PFKFB3: variants seen among roughly 807,000 people sequenced by gnomAD.
PFKFB3 encodes the protein 6-phosphofructo-2-kinase/fructose-2,6-biphosphatase 3.
PFKFB3 carries 33 observed loss-of-function variants against 68.0 expected under a neutral mutation model. That is an observed-to-expected ratio of 0.49 (90% CI 0.37 to 0.65). PFKFB3 has a LOEUF of 0.65. Among genes scored for constraint, PFKFB3 ranks in the 30% least tolerant of loss-of-function variants. PFKFB3 has a pLI of 0.00. For missense variants in PFKFB3, 586 were observed against 712.2 expected, an observed-to-expected ratio of 0.82 and a Z score of 2.02; for synonymous variants, 315 against 288.2, an observed-to-expected ratio of 1.09 and a Z score of -0.94.
chr10:6,231,736 C>T (rs527795380), intron 14 of PFKFB3: 1 of 267,588 alleles, frequency 3.7e-6, no homozygotes, highest in African/African-American at 2.3e-5. Context: ...CCAGTGGGCA[C>T]CCATCACTTC....
At chr10:6,282,893 G>T in the PFKFB3 span, among the ~76,000 whole-genome samples, 1 of 152,116 alleles carries the variant, frequency 6.6e-6, no homozygotes, top group African/African-American at 2.4e-5. Context: ...TACCAGGTAT[G>T]GGGTTTAATC....
the PFKFB3 span, among the ~76,000 whole-genome samples, chr10:6,290,726 A>G: frequency 6.7e-6 from 1 of 150,156 alleles, no homozygotes; most frequent in African/African-American, 2.5e-5. Context: ...CTGGTTTCGA[A>G]CTCCTGACCT....
chr10:6,173,877 G>A (rs1313558392), intron 1 of PFKFB3, among the ~76,000 whole-genome samples: 1 of 152,142 alleles, frequency 6.6e-6, no homozygotes, highest in Non-Finnish European at 1.5e-5. Context: ...GTCTTAGGAA[G>A]ATGAGTCCCT....
chr10:6,208,371 C>CTTTTTTTTTTTGTTTTTTTTTTTTTTT (rs1843933651), intron 1 of PFKFB3, among the ~76,000 whole-genome samples: 1 of 60,624 alleles, frequency 1.6e-5, no homozygotes, highest in Non-Finnish European at 2.9e-5. Flanking sequence ...GGTACCTGGC[C>CTTTTTTTTTTTGTTTTTTTTTTTTTTT]TTTTTTTTTT....
chr10:6,209,146 A>C (rs749449150), intron 1 of PFKFB3, among the ~76,000 whole-genome samples: 1 of 152,158 alleles, frequency 6.6e-6, no homozygotes, highest in East Asian at 1.9e-4. Context: ...CGTGCCTGGG[A>C]CTTGGTGACT....
intron 1 of PFKFB3, among the ~76,000 whole-genome samples, chr10:6,160,248 A>G (rs1055452422): frequency 5.3e-5 from 8 of 152,152 alleles, no homozygotes; most frequent in African/African-American, 7.2e-5. Flanking sequence ...TGAGATGTCA[A>G]TTGGCTGATG....
chr10:6,203,803 T>C (rs1375640583), intron 1 of PFKFB3, among the ~76,000 whole-genome samples: 1 of 152,230 alleles, frequency 6.6e-6, no homozygotes, highest in Non-Finnish European at 1.5e-5. Context: ...CTTCACTTAA[T>C]AACCTATTTC....
chr10:6,148,799 C>T (rs2131671409), intron 1 of PFKFB3, among the ~76,000 whole-genome samples: 1 of 152,224 alleles, frequency 6.6e-6, no homozygotes, highest in East Asian at 1.9e-4. Flanking sequence ...AATAGATGGG[C>T]CAGTGTGGTG....
At chr10:6,184,504 C>T (rs1564604813) in intron 1 of PFKFB3, among the ~76,000 whole-genome samples, 1 of 151,466 alleles carries the variant, frequency 6.6e-6, no homozygotes, top group Non-Finnish European at 1.5e-5. Flanking sequence ...GAGTCTCACT[C>T]TTGTCACCCA....
chr10:6,278,021 C>T, the PFKFB3 span, among the ~76,000 whole-genome samples: 2 of 151,286 alleles, frequency 1.3e-5, no homozygotes, highest in Non-Finnish European at 2.9e-5. Context: ...GAGTTCACAC[C>T]ATTCTCCTGC....
At position 6,229,544 on chromosome 10, in the gene PFKFB3, G is replaced by A. The variant is rs148130683; in HGVS notation, c.1515+3179G>A. ...CACCCCCTTGCAGCTGCTTCCCACAGCCAGGCTTTGCTTACCTAAGGTGGG... is the reference window on the plus strand; with the variant it reads ...CACCCCCTTGCAGCTGCTTCCCACAACCAGGCTTTGCTTACCTAAGGTGGG... On this transcript the variant is annotated intron_variant, in intron 14 of 14. Coordinates refer to ENST00000379775, the MANE Select transcript of PFKFB3 (RefSeq NM_004566.4). The surrounding 1 kb of genome is among the most constrained non-coding windows in gnomAD (Gnocchi z 4.3). 1.5e-3 allele frequency among the ~76,000 whole-genome samples: 235 copies of A among 152,252 alleles called. No individual in the cohort carries two copies. The highest frequency in any genetic ancestry group is 5.5e-3 in the African/African-American group (227 of 41,536).
chr10:6,310,848 G>A, the PFKFB3 span, among the ~76,000 whole-genome samples: 1 of 152,198 alleles, frequency 6.6e-6, no homozygotes. Context: ...AGAGATAAGT[G>A]ATAGAACTAT....
intron 1 of PFKFB3, among the ~76,000 whole-genome samples, chr10:6,183,485 G>A (rs1842775555): frequency 6.6e-6 from 1 of 151,980 alleles, no homozygotes; most frequent in African/African-American, 2.4e-5. Context: ...ACCATGGTAG[G>A]TGGCAGTGAA....
Position 6,215,078 on chromosome 10 carries a change from C to T in PFKFB3, c.203-143C>T, listed in dbSNP as rs527588739. The T allele has an allele frequency of 4.8e-4, 321 of 666,736 alleles. 1 individual carries two copies. Among genetic ancestry groups the T allele is most frequent in the Non-Finnish European group, 7.1e-4 (266 of 376,214 alleles). The allele number at this position is 666,736 out of a possible 1,614,324, so 41.3% of individuals were successfully genotyped here. On this transcript the variant is annotated intron_variant, in intron 2 of 14. Coordinates refer to ENST00000379775, the MANE Select transcript of PFKFB3 (RefSeq NM_004566.4). The surrounding 1 kb of genome is among the most constrained non-coding windows in gnomAD (Gnocchi z 4.3). Reference sequence around the variant, plus strand: ...GAGTTGAGGGTAGCGTAGGACTGGGCGCCGGCATTGCTTCCACACCATCTC... The same window carrying T: ...GAGTTGAGGGTAGCGTAGGACTGGGTGCCGGCATTGCTTCCACACCATCTC...
intron 13 of PFKFB3, chr10:6,225,133 A>C (rs1845252674): frequency 6.6e-6 from 3 of 456,284 alleles, no homozygotes; most frequent in Non-Finnish European, 8.8e-6. Context: ...GCGTGTTGTG[A>C]AAGTGAGTTT....
In PFKFB3 at chr10:6,158,213, C is replaced by T. The variant is rs1418791833; in HGVS notation, c.16+13200C>T. On this transcript the variant is annotated intron_variant, in intron 1 of 14. Transcript: ENST00000379789. ...CTGAGGCAGGAGAATGGTGTGAACC[C>T]GGGAGGCAGAGCTTGCAGTGAGCCG... Among the ~76,000 whole-genome samples, 6 of 151,832 alleles carry T rather than the reference C, an allele frequency of 4.0e-5. No homozygotes were observed. The South Asian group carries it at 8.3e-4, about 21-fold the overall frequency.
intron 1 of PFKFB3, among the ~76,000 whole-genome samples, chr10:6,175,321 T>G (rs1290527003): frequency 1.5e-4 from 23 of 152,200 alleles, no homozygotes. Context: ...CATGGCACTT[T>G]GGGGCACTTT....
chr10:6,231,207 CTTTT>C, intron 14 of PFKFB3: 1 of 1,006,512 alleles, frequency 9.9e-7, no homozygotes, highest in South Asian at 1.5e-5. Context: ...TAAAGATTTT[CTTTT>C]TTTTTTTCCT....
chr10:6,169,558 C>T (rs550197641), intron 1 of PFKFB3, among the ~76,000 whole-genome samples: 1 of 152,152 alleles, frequency 6.6e-6, no homozygotes, highest in South Asian at 2.1e-4. Context: ...TGAGGGTTCT[C>T]CTGGGATAAG....
Sources: allele counts gnomAD v4.1 joint callset (sites outside exome capture counted in the v4.1 genomes callset), GRCh38; gene constraint gnomAD v4.1.1; non-coding constraint Gnocchi (gnomAD v3.1); transcripts MANE v1.5; gene names NCBI Gene and HGNC (gene_info 2026-07-23, HGNC 2026-07-21).